Variants in DNAJA1 observed in about 807,000 individuals in gnomAD.
DNAJA1 encodes DnaJ heat shock protein family (Hsp40) member A1.
DNAJA1 carries 26 observed loss-of-function variants against 47.6 expected under a neutral mutation model. That is an observed-to-expected ratio of 0.55 (90% CI 0.40 to 0.76). DNAJA1 has a LOEUF of 0.76. DNAJA1 is among the 30% of genes least tolerant of loss of function. The probability of loss-of-function intolerance (pLI) is 0.00; values close to 1 mark genes in which losing one functional copy is unlikely to be tolerated. For synonymous variants in DNAJA1, 165 were observed against 158.4 expected (o/e 1.04, Z -0.31); for missense variants, 315 against 485.0 (o/e 0.65, Z 3.29).
At chr9:33,032,055 T>C (rs1334652195) in intron 5 of DNAJA1, among the ~76,000 whole-genome samples, 1 of 152,248 alleles carries the variant, frequency 6.6e-6, no homozygotes, top group Non-Finnish European at 1.5e-5. Context: ...TATGGTAATC[T>C]CTTTTCAGAT....
intron 6 of DNAJA1, among the ~76,000 whole-genome samples, chr9:33,034,898 G>T (rs1587699824): frequency 6.6e-6 from 1 of 152,098 alleles, no homozygotes; most frequent in African/African-American, 2.4e-5. Context: ...AGCAACTTGG[G>T]AGGCTGAGGT....
intron 3 of DNAJA1, among the ~76,000 whole-genome samples, chr9:33,029,322 A>G (rs1423828982): frequency 6.6e-6 from 1 of 152,220 alleles, no homozygotes; most frequent in Non-Finnish European, 1.5e-5. Flanking sequence ...CTTCAAAACA[A>G]CCAGTGCTGG....
intron 3 of DNAJA1, among the ~76,000 whole-genome samples, chr9:33,029,670 A>T (rs947641268): frequency 6.6e-6 from 1 of 152,234 alleles, no homozygotes; most frequent in Non-Finnish European, 1.5e-5. Context: ...GCAAATATTT[A>T]ATCTCTGACC....
In DNAJA1 at chr9:33,026,604, T is replaced by C; in HGVS notation, c.120T>C (p.Asn40=). The part of the protein sequence containing the change: ...ALKYHPDKNP[N]EGEKFKQISQ... ...AGTACCATCCTGATAAGAACCCAAA[T>C]GAAGGAGAGAAGGTGAATAGTATCT... The change falls in exon 2 of 9, where the codon AAT becomes AAC. Residue 40 remains asparagine (N), a synonymous_variant. Transcript: ENST00000330899. 6.2e-7 allele frequency: 1 copy of C among 1,604,612 alleles called. No individual in the cohort carries two copies. Among genetic ancestry groups the C allele is most frequent in the Non-Finnish European group, 8.5e-7 (1 of 1,177,858 alleles).
rs1838820916 is a variant in DNAJA1 at position 33,025,823 on chromosome 9, G to C, written c.-11+440G>C. 3.3e-5 allele frequency among the ~76,000 whole-genome samples: 5 copies of C among 151,698 alleles called. No individual in the cohort carries two copies. The South Asian group carries it at 8.3e-4, about 25-fold the overall frequency. ...CGCTTTCTCTGTTTCCCCTCCCTTT[G>C]TTTGTTGAGGGCTGGGCTTTCCCCA... On this transcript the variant is annotated intron_variant, in intron 1 of 8. Coordinates refer to ENST00000330899, the MANE Select transcript of DNAJA1 (RefSeq NM_001539.4).
intron 6 of DNAJA1, among the ~76,000 whole-genome samples, chr9:33,035,735 C>T (rs939705905): frequency 2.0e-5 from 3 of 152,070 alleles, no homozygotes; most frequent in Non-Finnish European, 4.4e-5. Flanking sequence ...TCCCAAAGTG[C>T]TGGGATTACA....
chr9:33,030,753 T>G, intron 5 of DNAJA1, 86 bp downstream of exon 5: 1 of 1,160,362 alleles, frequency 8.6e-7, no homozygotes, highest in Non-Finnish European at 1.2e-6. Context: ...AAATCATTCT[T>G]AATTAGGTTA....
chr9:33,036,726 A>C (rs767097247), intron 7 of DNAJA1, 37 bp downstream of exon 7: 1 of 1,460,532 alleles, frequency 6.8e-7, no homozygotes. Flanking sequence ...TCTCTTTTCT[A>C]TTCTAGTATT....
intron 3 of DNAJA1, among the ~76,000 whole-genome samples, chr9:33,029,586 G>A (rs537004291): frequency 6.6e-6 from 1 of 152,212 alleles, no homozygotes; most frequent in Admixed American, 6.5e-5. Flanking sequence ...AATAACATTG[G>A]TTTTTCTCAA....
intron 7 of DNAJA1, 150 bp from the exon 8 acceptor site, chr9:33,036,865 G>T: frequency 1.2e-6 from 1 of 824,422 alleles, no homozygotes; most frequent in Non-Finnish European, 1.9e-6. Flanking sequence ...GTCAGCCCTT[G>T]GAAAACCCAT....
intron 8 of DNAJA1, among the ~76,000 whole-genome samples, chr9:33,038,465 C>A (rs1192687049): frequency 6.6e-6 from 1 of 152,184 alleles, no homozygotes; most frequent in Non-Finnish European, 1.5e-5. Flanking sequence ...TTATTTAATA[C>A]AATCATTTTT....
At chr9:33,034,098 G>T in intron 5 of DNAJA1, 118 bp from the exon 6 acceptor site, 1 of 659,752 alleles carries the variant, frequency 1.5e-6, no homozygotes, top group Non-Finnish European at 2.4e-6. Flanking sequence ...TACTTAAGTG[G>T]GCTTTCTTAG....
At chr9:33,033,489 G>A (rs962795688) in intron 5 of DNAJA1, among the ~76,000 whole-genome samples, 2 of 151,864 alleles carry the variant, frequency 1.3e-5, no homozygotes, top group South Asian at 2.1e-4. Flanking sequence ...CTTGAGCCCA[G>A]TAGTTCAAGA....
intron 2 of DNAJA1, 62 bp downstream of exon 2, chr9:33,026,678 A>C: frequency 6.4e-7 from 1 of 1,569,562 alleles, no homozygotes; most frequent in Admixed American, 2.0e-5. Context: ...TAGTATTTCT[A>C]TTATGGCCTG....
intron 3 of DNAJA1, among the ~76,000 whole-genome samples, chr9:33,028,745 A>T (rs1379651636): frequency 6.6e-6 from 1 of 152,236 alleles, no homozygotes; most frequent in Non-Finnish European, 1.5e-5. Flanking sequence ...AATGCGCTTC[A>T]TCAAGCTCTA....
intron 1 of DNAJA1, among the ~76,000 whole-genome samples, chr9:33,025,784 G>A (rs1159629371): frequency 1.3e-5 from 2 of 152,162 alleles, no homozygotes; most frequent in Non-Finnish European, 2.9e-5. Flanking sequence ...GGCGGAGACT[G>A]CGGCTTTTGG....
At chr9:33,026,753 A>T in intron 2 of DNAJA1, 60 bp from the exon 3 acceptor site, 1 of 1,592,126 alleles carries the variant, frequency 6.3e-7, no homozygotes, top group African/African-American at 1.4e-5. Flanking sequence ...ATCAAGTGTA[A>T]TGTAGCTAGG....
At chr9:33,027,278 C>T (rs1276982504) in intron 3 of DNAJA1, among the ~76,000 whole-genome samples, 1 of 151,840 alleles carries the variant, frequency 6.6e-6, no homozygotes, top group Non-Finnish European at 1.5e-5. Flanking sequence ...GCCTCAGCCT[C>T]CCAAGTAGCT....
chr9:33,032,555 T>C (rs1838976783), intron 5 of DNAJA1, among the ~76,000 whole-genome samples: 1 of 152,234 alleles, frequency 6.6e-6, no homozygotes, highest in African/African-American at 2.4e-5. Context: ...CAAGAACCTA[T>C]CAACAATGGA....
Sources: allele counts gnomAD v4.1 joint callset (sites outside exome capture counted in the v4.1 genomes callset), GRCh38; gene constraint gnomAD v4.1.1; transcripts MANE v1.5; gene names NCBI Gene and HGNC (gene_info 2026-07-23, HGNC 2026-07-21).